Variants in EPS8 observed in about 807,000 individuals in gnomAD.
The protein encoded by EPS8 is epidermal growth factor receptor kinase substrate 8.
A neutral mutation model predicts 103.8 loss-of-function variants in EPS8; 42 were observed. That is an observed-to-expected ratio of 0.40 (90% confidence interval 0.32 to 0.52). The LOEUF is 0.52. Ranked by LOEUF, EPS8 falls within the 20% of genes least tolerant of loss-of-function variation. EPS8 has a pLI of 0.40. For synonymous variants in EPS8, 344 were observed against 344.6 expected, an observed-to-expected ratio of 1.00 and a Z score of 0.02; for missense variants, 969 against 1,005.1, an observed-to-expected ratio of 0.96 and a Z score of 0.49.
intron 8 of EPS8, chr12:15,662,529 A>C (rs1194020982): frequency 6.1e-6 from 6 of 986,478 alleles, no homozygotes; most frequent in African/African-American, 3.5e-5. Context: ...CTGTGACTAC[A>C]ATAAAGCTTT....
rs995895979 is a variant in EPS8, at chr12:15,714,195, C to T, written c.-21-31223G>A. Reference sequence around the variant, plus strand: ...TGTGATTATTAACAAATATGCCAAACAGAAAATTGAGTGCTCAACTGATTT... The same window carrying T: ...TGTGATTATTAACAAATATGCCAAATAGAAAATTGAGTGCTCAACTGATTT... On this transcript the variant is annotated intron_variant, in intron 1 of 20. Coordinates refer to ENST00000281172, the MANE Select transcript of EPS8 (RefSeq NM_004447.6). This position sits in a 1 kb window ranked among gnomAD's most constrained non-coding sequence, Gnocchi z 4.1. Among the ~76,000 whole-genome samples, 2 of 151,510 alleles carry T rather than the reference C, an allele frequency of 1.3e-5. No individual in the cohort carries two copies. The highest frequency in any genetic ancestry group is 2.9e-5 in the Non-Finnish European group (2 of 67,904).
At chr12:15,674,138 G>T (rs1945862873) in intron 3 of EPS8, among the ~76,000 whole-genome samples, 5 of 152,138 alleles carry the variant, frequency 3.3e-5, no homozygotes. Flanking sequence ...GCATCCAGGT[G>T]TTGGTATTTA....
chr12:15,637,934 T>C (rs897557423), intron 17 of EPS8, among the ~76,000 whole-genome samples: 1 of 152,172 alleles, frequency 6.6e-6, no homozygotes, highest in African/African-American at 2.4e-5. Flanking sequence ...GTGTGTGAGA[T>C]GCCAGTACTC....
chr12:15,692,319 G>GTTTTTTTTTTTTTTTTTTTTTTTT, intron 1 of EPS8, among the ~76,000 whole-genome samples: 1 of 120,320 alleles, frequency 8.3e-6, no homozygotes, highest in Non-Finnish European at 1.7e-5. Context: ...AAGAGGTTTG[G>GTTTTTTTTTTTTTTTTTTTTTTTT]TTTTTTTTTT....
rs1383753828 is a variant in EPS8, at chr12:15,771,420, G to C, written c.-22+17741C>G. ...CATCATCTGAACTCAGCTTTAGCAAGACTGATCTGAAAGTAGTAATTAACA... is the reference window on the plus strand; with the variant it reads ...CATCATCTGAACTCAGCTTTAGCAACACTGATCTGAAAGTAGTAATTAACA... On this transcript the variant is annotated intron_variant, in intron 1 of 20. Coordinates refer to ENST00000281172, the MANE Select transcript of EPS8 (RefSeq NM_004447.6). The surrounding 1 kb of genome is among the most constrained non-coding windows in gnomAD (Gnocchi z 4.6). 6.6e-6 allele frequency among the ~76,000 whole-genome samples: 1 copy of C among 152,188 alleles called. No individual in the cohort carries two copies. The highest frequency in any genetic ancestry group is 1.5e-5 in the Non-Finnish European group (1 of 68,042).
intron 15 of EPS8, among the ~76,000 whole-genome samples, chr12:15,642,999 A>G (rs180774793): frequency 2.6e-4 from 40 of 152,324 alleles, no homozygotes; most frequent in Admixed American, 2.6e-3. Flanking sequence ...AAAAGGTGAA[A>G]TTATGGTGAA....
At chr12:15,685,467 G>GCA (rs935710759) in intron 1 of EPS8, among the ~76,000 whole-genome samples, 4 of 152,124 alleles carry the variant, frequency 2.6e-5, no homozygotes, top group African/African-American at 7.2e-5. Context: ...TAAAACCACA[G>GCA]CAGCTGGTTT....
rs919105399 is a variant in EPS8 at position 15,697,721 on chromosome 12, T to C, written c.-21-14749A>G. Among the ~76,000 whole-genome samples, 13 of 152,122 alleles carry C rather than the reference T, an allele frequency of 8.5e-5. No homozygotes were observed. Among genetic ancestry groups the C allele is most frequent in the Admixed American group, 2.6e-4 (4 of 15,264 alleles). ...TTCTTCTTTTGCCAAAAATTACAGATGATAGTCCTACATCTGTATAAAAAA... is the reference window on the plus strand; with the variant it reads ...TTCTTCTTTTGCCAAAAATTACAGACGATAGTCCTACATCTGTATAAAAAA... On this transcript the variant is annotated intron_variant, in intron 1 of 20. Coordinates refer to ENST00000281172, the MANE Select transcript of EPS8 (RefSeq NM_004447.6). The surrounding 1 kb of genome is among the most constrained non-coding windows in gnomAD (Gnocchi z 5.6).
intron 17 of EPS8, 101 bp downstream of exon 17, chr12:15,640,602 C>T: frequency 9.7e-7 from 1 of 1,035,936 alleles, no homozygotes. Flanking sequence ...TAACCAACTA[C>T]ATCTCAAAAT....
Position 15,738,199 on chromosome 12 carries a change from C to A in EPS8, c.-22+50962G>T, listed in dbSNP as rs1372151691. Among the ~76,000 whole-genome samples the A allele has an allele frequency of 6.6e-6, 1 of 151,976 alleles. No individual in the cohort carries two copies. Among genetic ancestry groups the A allele is most frequent in the Non-Finnish European group, 1.5e-5 (1 of 67,982 alleles). ...CTAATTAATATCACTTTTATTCTAACTAATATTAGACTCATTTCTCAACTG... is the reference window on the plus strand; with the variant it reads ...CTAATTAATATCACTTTTATTCTAAATAATATTAGACTCATTTCTCAACTG... On this transcript the variant is annotated intron_variant, in intron 1 of 20. Coordinates refer to ENST00000281172, the MANE Select transcript of EPS8 (RefSeq NM_004447.6). This position sits in a 1 kb window ranked among gnomAD's most constrained non-coding sequence, Gnocchi z 6.2.
intron 1 of EPS8, among the ~76,000 whole-genome samples, chr12:15,783,585 C>A (rs1186866839): frequency 6.6e-6 from 1 of 152,124 alleles, no homozygotes; most frequent in East Asian, 1.9e-4. Context: ...ATACACCCTG[C>A]AAATCCTTTA....
intron 1 of EPS8, among the ~76,000 whole-genome samples, chr12:15,775,644 T>G (rs1947200265): frequency 1.3e-5 from 2 of 152,188 alleles, no homozygotes; most frequent in Non-Finnish European, 2.9e-5. Flanking sequence ...TTCCAGATTT[T>G]TGAGCCCTTA....
intron 3 of EPS8, among the ~76,000 whole-genome samples, chr12:15,673,712 T>G (rs1945855320): frequency 6.6e-6 from 1 of 152,162 alleles, no homozygotes; most frequent in South Asian, 2.1e-4. Flanking sequence ...AGAATGTAAA[T>G]ATCGTCAAAT....
chr12:15,704,238 C>T lies in EPS8; in HGVS notation c.-21-21266G>A, dbSNP rs750176672. 6.6e-6 allele frequency among the ~76,000 whole-genome samples: 1 copy of T among 151,924 alleles called. No homozygotes were observed. Among genetic ancestry groups the T allele is most frequent in the Admixed American group, 6.6e-5 (1 of 15,244 alleles). ...GCAGTTCTTCTTCTGGGTGTATACC[C>T]AAAAGAACTGAAAGTAGAGACTAGA... On this transcript the variant is annotated intron_variant, in intron 1 of 20. Coordinates refer to ENST00000281172, the MANE Select transcript of EPS8 (RefSeq NM_004447.6). The surrounding 1 kb of genome is among the most constrained non-coding windows in gnomAD (Gnocchi z 4.6).
rs886394248 is a variant in EPS8 at position 15,660,146 on chromosome 12, C to T, written c.937+468G>A. On this transcript the variant is annotated intron_variant, in intron 10 of 20. Coordinates refer to ENST00000281172, the MANE Select transcript of EPS8 (RefSeq NM_004447.6). Reference sequence around the variant, plus strand: ...GACTTATAACCAAAATGGACTCTTCCCTGAGTTCATCTTACTCTTTGCCTA... The same window carrying T: ...GACTTATAACCAAAATGGACTCTTCTCTGAGTTCATCTTACTCTTTGCCTA... Among the ~76,000 whole-genome samples the T allele has an allele frequency of 2.0e-5, 3 of 152,178 alleles. No homozygotes were observed. The East Asian group carries it at 5.8e-4, about 29-fold the overall frequency.
intron 3 of EPS8, among the ~76,000 whole-genome samples, chr12:15,679,321 C>T (rs1591848411): frequency 6.6e-6 from 1 of 152,122 alleles, no homozygotes; most frequent in Admixed American, 6.6e-5. Context: ...ATAATTCTTC[C>T]CAATGTGGTC....
intron 1 of EPS8, among the ~76,000 whole-genome samples, chr12:15,719,450 G>C (rs1401982913): frequency 6.6e-6 from 1 of 152,128 alleles, no homozygotes; most frequent in Non-Finnish European, 1.5e-5. Context: ...CCAATAAATA[G>C]GAGTGATAGA....
intron 1 of EPS8, among the ~76,000 whole-genome samples, chr12:15,692,791 T>C (rs1241515114): frequency 6.6e-6 from 1 of 152,018 alleles, no homozygotes; most frequent in Non-Finnish European, 1.5e-5. Flanking sequence ...TCAAAAAACA[T>C]TTTGAGTTTC....
chr12:15,765,578 A>G (rs1470717041), intron 1 of EPS8, among the ~76,000 whole-genome samples: 1 of 152,174 alleles, frequency 6.6e-6, no homozygotes, highest in Non-Finnish European at 1.5e-5. Context: ...TTTAATTATT[A>G]AAAGAAAATG....
Sources: gnomAD v4.1 joint callset for allele counts (sites outside exome capture counted in the v4.1 genomes callset) on GRCh38, gnomAD v4.1.1 for gene constraint, Gnocchi (gnomAD v3.1) non-coding constraint, MANE v1.5 for transcripts, NCBI Gene and HGNC (gene_info 2026-07-23, HGNC 2026-07-21) for gene names.